Variants in SLC14A2 observed in about 807,000 individuals in gnomAD.
SLC14A2 encodes the protein urea transporter 2.
In SLC14A2, 91 loss-of-function variants were observed where a neutral mutation model predicts 104.6. The ratio of observed to expected loss-of-function variants is 0.87; its 90% CI spans 0.73 to 1.04. The LOEUF (loss-of-function observed/expected upper bound fraction) is 1.04, where lower values mean the gene tolerates loss of function less well. Ranked by LOEUF, SLC14A2 falls within the 50% of genes least tolerant of loss-of-function variation. The pLI, the probability that SLC14A2 is intolerant of heterozygous loss-of-function variation, is 0.00. For missense variants in SLC14A2, 1,189 were observed against 1,156.0 expected (o/e 1.03, Z -0.41); for synonymous variants, 476 against 466.4 (o/e 1.02, Z -0.27).
At chr18:45,239,787 T>C (rs1381388892) in intron 1 of SLC14A2, among the ~76,000 whole-genome samples, 2 of 152,152 alleles carry the variant, frequency 1.3e-5, no homozygotes, top group Non-Finnish European at 2.9e-5. Flanking sequence ...AAATTTAACA[T>C]TCCAATAGGA....
chr18:45,182,157 A>G, the SLC14A2 span, among the ~76,000 whole-genome samples: 2 of 152,106 alleles, frequency 1.3e-5, no homozygotes, highest in African/African-American at 4.8e-5. Context: ...GTAAAATAGT[A>G]TGTATAAAAT....
intron 1 of SLC14A2, among the ~76,000 whole-genome samples, chr18:45,281,364 A>G (rs185876256): frequency 2.9e-4 from 44 of 152,260 alleles, no homozygotes; most frequent in African/African-American, 1.0e-3. Flanking sequence ...CACATCAGCA[A>G]TGACTCCGCC....
intron 1 of SLC14A2, among the ~76,000 whole-genome samples, chr18:45,247,247 A>C (rs145812578): frequency 6.6e-6 from 1 of 152,354 alleles, no homozygotes; most frequent in East Asian, 1.9e-4. Context: ...ACTCCCCGGT[A>C]CAGTCAAAAT....
upstream of SLC14A2, among the ~76,000 whole-genome samples, chr18:45,611,181 C>A (rs2044965873): frequency 6.6e-6 from 1 of 152,142 alleles, no homozygotes; most frequent in Admixed American, 6.5e-5. Context: ...GCAAGTTATC[C>A]TTTTCCCCAC....
chr18:45,477,192 A>G (rs2087397876), intron 1 of SLC14A2, among the ~76,000 whole-genome samples: 1 of 152,088 alleles, frequency 6.6e-6, no homozygotes, highest in African/African-American at 2.4e-5. Context: ...GTTGATGATG[A>G]TGCTATTCCT....
At chr18:45,643,286 A>G in intron 9 of SLC14A2, 105 bp downstream of exon 9, 1 of 987,206 alleles carries the variant, frequency 1.0e-6, no homozygotes, top group Admixed American at 1.8e-5. Flanking sequence ...GGGTAATGGT[A>G]GCTGGTGCTC....
chr18:45,173,708 T>C, the SLC14A2 span, among the ~76,000 whole-genome samples: 1 of 152,128 alleles, frequency 6.6e-6, no homozygotes, highest in Non-Finnish European at 1.5e-5. Context: ...ATTTTTCCAC[T>C]AGTGATAACT....
In SLC14A2 at chr18:45,562,851, T is replaced by G. The variant is rs912842844; in HGVS notation, c.-34-61780T>G. ...GAGGGTAATTGGTAAATATTATTGT[T>G]TCATTCCATGTTTGCCTGCTCTGCT... On this transcript the variant is annotated intron_variant, in intron 2 of 20. Transcript: ENST00000586448. Among the ~76,000 whole-genome samples, 3 of 152,182 alleles carry G rather than the reference T, an allele frequency of 2.0e-5. No homozygotes were observed. The South Asian group carries it at 6.2e-4, about 32-fold the overall frequency.
chr18:45,669,477 G>T lies in SLC14A2; in HGVS notation c.2208G>T (p.Trp736Cys). The stretch of plus-strand genomic sequence containing the variant: ...CATCCGCCATGCCCAACATCACCTG[G>T]TCAGAGGTCCAAGTGCCCTTGGTAC... The part of the protein sequence containing the change: ...QPASAMPNIT[W>C]SEVQVPLLLR... Residue 736 changes from tryptophan to cysteine, a missense_variant, in exon 16 of 20, where the codon TGG (tryptophan) becomes TGT (cysteine). Physicochemically the swap from Trp to Cys is radical, Grantham distance 215. Coordinates refer to ENST00000255226, the MANE Select transcript of SLC14A2 (RefSeq NM_007163.4). 2 of 1,613,768 alleles carry T rather than the reference G, an allele frequency of 1.2e-6. No individual in the cohort carries two copies. The highest frequency in any genetic ancestry group is 1.7e-6 in the Non-Finnish European group (2 of 1,179,758).
chr18:45,172,669 C>A, the SLC14A2 span, among the ~76,000 whole-genome samples: 1 of 151,988 alleles, frequency 6.6e-6, no homozygotes, highest in Non-Finnish European at 1.5e-5. Flanking sequence ...TATTAGGAAA[C>A]CAAAACTCAG....
At chr18:45,238,363 C>A (rs1159766922) in intron 1 of SLC14A2, among the ~76,000 whole-genome samples, 2 of 152,208 alleles carry the variant, frequency 1.3e-5, no homozygotes, top group Admixed American at 1.3e-4. Flanking sequence ...CCGGTCTCTG[C>A]AAACCTGAGA....
chr18:45,261,570 C>T (rs964163297), intron 1 of SLC14A2, among the ~76,000 whole-genome samples: 1 of 151,606 alleles, frequency 6.6e-6, no homozygotes, highest in African/African-American at 2.4e-5. Flanking sequence ...CCCCCAACCC[C>T]ACAACAGTCC....
chr18:45,626,411 G>A (rs2045257830), intron 3 of SLC14A2, among the ~76,000 whole-genome samples: 1 of 152,264 alleles, frequency 6.6e-6, no homozygotes, highest in Non-Finnish European at 1.5e-5. Flanking sequence ...ACCAGCAAAT[G>A]AGGCAGAATG....
chr18:45,414,542 T>C (rs2086248312), intron 1 of SLC14A2, among the ~76,000 whole-genome samples: 1 of 151,608 alleles, frequency 6.6e-6, no homozygotes, highest in East Asian at 1.9e-4. Context: ...AATATTTTGG[T>C]ACGTGTATAC....
chr18:45,328,921 C>T (rs1293422995), intron 1 of SLC14A2, among the ~76,000 whole-genome samples: 1 of 152,178 alleles, frequency 6.6e-6, no homozygotes, highest in African/African-American at 2.4e-5. Context: ...CACATTTCTC[C>T]AGTGAAGCTC....
intron 4 of SLC14A2, among the ~76,000 whole-genome samples, chr18:45,627,727 G>A (rs958120453): frequency 1.9e-4 from 29 of 152,246 alleles, no homozygotes; most frequent in African/African-American, 6.5e-4. Context: ...CAATAACAAG[G>A]GCCAGGCACG....
At chr18:45,591,104 C>G (rs954604953) in intron 2 of SLC14A2, among the ~76,000 whole-genome samples, 1 of 152,126 alleles carries the variant, frequency 6.6e-6, no homozygotes, top group Non-Finnish European at 1.5e-5. Flanking sequence ...GGTCTTAACT[C>G]TCCCTCTTCT....
At chr18:45,560,788 T>C (rs1032352442) in intron 2 of SLC14A2, among the ~76,000 whole-genome samples, 2 of 152,114 alleles carry the variant, frequency 1.3e-5, no homozygotes, top group African/African-American at 4.8e-5. Flanking sequence ...TTTCATGTCC[T>C]GGGGTTGACT....
chr18:45,284,829 G>A (rs1399215347), intron 1 of SLC14A2, among the ~76,000 whole-genome samples: 1 of 152,154 alleles, frequency 6.6e-6, no homozygotes, highest in African/African-American at 2.4e-5. Context: ...AGTATGGAAT[G>A]CAAATGGGAA....
Sources: gnomAD v4.1 joint callset for allele counts (sites outside exome capture counted in the v4.1 genomes callset) on GRCh38, gnomAD v4.1.1 for gene constraint, MANE v1.5 for transcripts, NCBI Gene and HGNC (gene_info 2026-07-23, HGNC 2026-07-21) for gene names.